The following TPO variants were observed in gnomAD, a reference collection of about 807,000 sequenced individuals.
TPO encodes the protein thyroid microsomal antigen.
Under a neutral mutation model 96.9 loss-of-function variants are expected in TPO, and 78 were observed. That is an observed-to-expected ratio of 0.81 (90% CI 0.67 to 0.97). TPO has a LOEUF of 0.97. Ranked by LOEUF, TPO falls within the 50% of genes least tolerant of loss-of-function variation. The pLI is 0.00. For missense variants in TPO, 1,252 were observed against 1,274.8 expected (o/e 0.98, Z 0.27); for synonymous variants, 547 against 538.0 (o/e 1.02, Z -0.23).
upstream of TPO, among the ~76,000 whole-genome samples, chr2:1,411,672 C>A (rs2063206881): frequency 6.6e-6 from 1 of 152,138 alleles, no homozygotes; most frequent in Admixed American, 6.5e-5. Context: ...CAGGGACAGG[C>A]CTGGTTGTGC....
At chr2:1,401,563 G>A (rs1211611932) in intron 1 of TPO, among the ~76,000 whole-genome samples, 1 of 152,094 alleles carries the variant, frequency 6.6e-6, no homozygotes, top group Non-Finnish European at 1.5e-5. Context: ...GACCCAGCCA[G>A]GCCAGCTACA....
chr2:1,477,626 G>A (rs1412854111), intron 8 of TPO, 22 bp downstream of exon 8: 5 of 1,475,988 alleles, frequency 3.4e-6, no homozygotes, highest in East Asian at 5.2e-5. Flanking sequence ...GGTCCTGGGC[G>A]CCCTGGGTGG....
At chr2:1,445,651 T>C (rs568467159) in intron 5 of TPO, among the ~76,000 whole-genome samples, 6 of 146,284 alleles carry the variant, frequency 4.1e-5, no homozygotes, top group African/African-American at 1.6e-4. Flanking sequence ...TCCTTGTTTG[T>C]ATGATCCAGT....
chr2:1,494,149 A>G (rs1258854803), intron 11 of TPO, 110 bp downstream of exon 11: 2 of 1,090,374 alleles, frequency 1.8e-6, no homozygotes, highest in African/African-American at 3.1e-5. Flanking sequence ...CCACCATTCA[A>G]CTCTTACGTA....
chr2:1,527,829 T>TACTGTGTGCAACCTCCTCAAATCCCACAC (rs1676950301), intron 15 of TPO, among the ~76,000 whole-genome samples: 1 of 25,320 alleles, frequency 3.9e-5, no homozygotes, highest in African/African-American at 1.3e-4. Context: ...CAAATCCCCA[T>TACTGTGTGCAACCTCCTCAAATCCCACAC]ACTGTGTGCA....
At chr2:1,485,755 T>A (rs1004516302) in intron 9 of TPO, among the ~76,000 whole-genome samples, 1 of 152,178 alleles carries the variant, frequency 6.6e-6, no homozygotes, top group Non-Finnish European at 1.5e-5. Flanking sequence ...TGGGGTTGTT[T>A]GTTTTTTCCT....
chr2:1,403,851 C>T lies in TPO; in HGVS notation n.180+29449C>T, dbSNP rs182205379. ...GGCCCCACCAAATCTCCCCTCTGCACGCAGCGGCAGCATGGAAACGGTGGC... is the reference window on the plus strand; with the variant it reads ...GGCCCCACCAAATCTCCCCTCTGCATGCAGCGGCAGCATGGAAACGGTGGC... On this transcript the variant is annotated intron_variant and non_coding_transcript_variant, in intron 1 of 5. Coordinates refer to the TPO transcript ENST00000497517. Among the ~76,000 whole-genome samples, 502 of 152,286 alleles carry T rather than the reference C, an allele frequency of 3.3e-3. 5 individuals are homozygous for T. The highest frequency in any genetic ancestry group is 7.6e-3 in the African/African-American group (315 of 41,562).
intron 2 of TPO, among the ~76,000 whole-genome samples, chr2:1,418,311 G>GAGAA (rs1364293452): frequency 6.6e-6 from 1 of 151,096 alleles, no homozygotes; most frequent in African/African-American, 2.4e-5. Flanking sequence ...GAGAGAGAGA[G>GAGAA]AAAAAAAGAA....
chr2:1,496,851 G>T, intron 13 of TPO, 86 bp downstream of exon 13: 1 of 1,588,306 alleles, frequency 6.3e-7, no homozygotes, highest in Admixed American at 1.7e-5. Flanking sequence ...AAATTTCTTC[G>T]CCAAAAGGTG....
At chr2:1,421,128 G>C (rs1023528278) in intron 2 of TPO, among the ~76,000 whole-genome samples, 1 of 152,126 alleles carries the variant, frequency 6.6e-6, no homozygotes, top group South Asian at 2.1e-4. Context: ...GGAGAGAAGA[G>C]AGCCACAGTG....
At position 1,487,906 on chromosome 2, in the gene TPO, G is replaced by T. The variant is rs748083838; in HGVS notation, c.1683G>T (p.Thr561=). The change falls in exon 10 of 17, where the codon ACG becomes ACT. Residue 561 remains threonine, a synonymous_variant. Coordinates refer to ENST00000329066, the MANE Select transcript of TPO (RefSeq NM_001206744.2). ...ATCAGCTGATGAACGAGGAGCTGACGGAAAGGCTCTTTGTGCTGTCCAATT... is the reference window on the plus strand; with the variant it reads ...ATCAGCTGATGAACGAGGAGCTGACTGAAAGGCTCTTTGTGCTGTCCAATT... ...VQDQLMNEEL[T]ERLFVLSNSS... 1.9e-5 allele frequency: 30 copies of T among 1,614,186 alleles called. No homozygotes were observed. The East Asian group carries it at 2.5e-4, about 13-fold the overall frequency.
chr2:1,434,860 G>A (rs2148495740), intron 4 of TPO, among the ~76,000 whole-genome samples: 1 of 152,294 alleles, frequency 6.6e-6, no homozygotes. Flanking sequence ...TCCATTAAAG[G>A]TCAGTGCCTG....
chr2:1,423,162 G>A, intron 3 of TPO, 33 bp downstream of exon 3: 1 of 1,603,296 alleles, frequency 6.2e-7, no homozygotes, highest in Middle Eastern at 1.7e-4. Flanking sequence ...CGCCCCAAAT[G>A]CCACCGACAG....
rs78388702 is a variant in TPO, at chr2:1,518,302, C to A, written c.2618+1320C>A. On this transcript the variant is annotated intron_variant, in intron 15 of 16. Transcript: ENST00000329066. ...AAATCTTTTTCTTACAGTCTTTGCACCTCCTACAGGAACTGGTTTTTAAAA... is the reference window on the plus strand; with the variant it reads ...AAATCTTTTTCTTACAGTCTTTGCAACTCCTACAGGAACTGGTTTTTAAAA... 4.5e-3 allele frequency among the ~76,000 whole-genome samples: 691 copies of A among 152,304 alleles called. 4 individuals carry two copies. Among genetic ancestry groups the A allele is most frequent in the African/African-American group, 0.016 (673 of 41,538 alleles).
At chr2:1,445,315 C>T (rs11685540) in intron 5 of TPO, among the ~76,000 whole-genome samples, 46,274 of 59,982 alleles carry the variant, frequency 0.77, 18,704 homozygotes, top group Non-Finnish European at 0.82. Flanking sequence ...AGGCTCCTTC[C>T]TGTTTGTATG....
intron 10 of TPO, among the ~76,000 whole-genome samples, chr2:1,489,057 C>A (rs1671442815): frequency 6.6e-6 from 1 of 152,002 alleles, no homozygotes; most frequent in Middle Eastern, 3.2e-3. Flanking sequence ...CACACACCCG[C>A]ACATGCCCGG....
intron 5 of TPO, chr2:1,438,804 C>G: frequency 1.4e-6 from 1 of 697,754 alleles, no homozygotes; most frequent in Admixed American, 2.2e-5. Context: ...TTTGCAAATG[C>G]CTGGATTAAA....
upstream of TPO, among the ~76,000 whole-genome samples, chr2:1,408,744 C>T (rs1288213205): frequency 6.6e-6 from 1 of 152,186 alleles, no homozygotes; most frequent in Non-Finnish European, 1.5e-5. Context: ...CCTACTCAGA[C>T]ATTCCTCACC....
chr2:1,423,633 AG>A (rs1664021768), intron 3 of TPO, among the ~76,000 whole-genome samples: 1 of 152,208 alleles, frequency 6.6e-6, no homozygotes, highest in Non-Finnish European at 1.5e-5. Context: ...GAAAAAGAAA[AG>A]AAAAACAAAA....
Sources: allele counts gnomAD v4.1 joint callset (sites outside exome capture counted in the v4.1 genomes callset), GRCh38; gene constraint gnomAD v4.1.1; transcripts MANE v1.5; gene names NCBI Gene and HGNC (gene_info 2026-07-23, HGNC 2026-07-21).